TGFA: variants seen among roughly 807,000 people sequenced by gnomAD.
TGFA encodes transforming growth factor alpha.
Under a neutral mutation model 21.7 loss-of-function variants are expected in TGFA, and 12 were observed. That is an observed-to-expected ratio of 0.55 (90% CI 0.35 to 0.90). The LOEUF (loss-of-function observed/expected upper bound fraction) is 0.90, where lower values mean the gene tolerates loss of function less well. Ranked by LOEUF, TGFA falls within the 40% of genes least tolerant of loss-of-function variation. TGFA has a pLI of 0.01. For synonymous variants in TGFA, 79 were observed against 88.1 expected (o/e 0.90, Z 0.58); for missense variants, 178 against 210.8 (o/e 0.84, Z 0.96).
At chr2:70,499,315 G>A (rs1671669542) in intron 2 of TGFA, among the ~76,000 whole-genome samples, 1 of 152,220 alleles carries the variant, frequency 6.6e-6, no homozygotes, top group African/African-American at 2.4e-5. Context: ...CGCATAACTA[G>A]GCGGGAGTAC....
At chr2:70,546,256 C>T (rs1436572913) in intron 1 of TGFA, among the ~76,000 whole-genome samples, 2 of 64,620 alleles carry the variant, frequency 3.1e-5, no homozygotes, top group African/African-American at 1.0e-4. Flanking sequence ...GACACTGGAA[C>T]CTGCCCTTTT....
chr2:70,546,587 C>T (rs1188532806), intron 1 of TGFA, among the ~76,000 whole-genome samples: 1 of 152,168 alleles, frequency 6.6e-6, no homozygotes. Flanking sequence ...GATCCACCAG[C>T]CTCAGCCTCC....
Position 70,448,646 on chromosome 2 carries a change from C to G in TGFA, c.*2213G>C, listed in dbSNP as rs1375900991. 6.6e-6 allele frequency: 1 copy of G among 152,224 alleles called. No homozygotes were observed. The highest frequency in any genetic ancestry group is 2.4e-5 in the African/African-American group (1 of 41,448). 9.4% of individuals were successfully genotyped at this position (152,224 alleles called of 1,614,324 possible). A position where few individuals can be genotyped will look rare whatever the true frequency, so the allele number is the denominator to read the frequency against. ...TAAGCCAGGCTGTTCTATCCTGAGG[C>G]ATGGACAATGGTCCAACCAGGCTTG... On this transcript the variant is annotated 3_prime_UTR_variant, in exon 6 of 6. Transcript: ENST00000295400.
chr2:70,514,593 A>C (rs1295228339), intron 2 of TGFA, among the ~76,000 whole-genome samples: 3 of 152,154 alleles, frequency 2.0e-5, no homozygotes, highest in Non-Finnish European at 4.4e-5. Context: ...GTTTTGGCAC[A>C]CTTGCCCACA....
intron 1 of TGFA, among the ~76,000 whole-genome samples, chr2:70,525,528 C>T (rs1205116256): frequency 6.6e-6 from 1 of 152,230 alleles, no homozygotes; most frequent in African/African-American, 2.4e-5. Context: ...AATACACTTA[C>T]TTCTTGCAGC....
intron 2 of TGFA, among the ~76,000 whole-genome samples, chr2:70,504,962 A>G (rs1319436776): frequency 6.6e-6 from 1 of 152,158 alleles, no homozygotes; most frequent in Non-Finnish European, 1.5e-5. Flanking sequence ...CTGTGCCTCA[A>G]TTTTGCCAAC....
intron 2 of TGFA, among the ~76,000 whole-genome samples, chr2:70,481,922 G>A (rs1231824281): frequency 6.6e-6 from 1 of 152,176 alleles, no homozygotes; most frequent in Non-Finnish European, 1.5e-5. Context: ...GAGAGACCCT[G>A]ACCCAGAACC....
At chr2:70,493,519 A>T (rs113787685) in intron 2 of TGFA, among the ~76,000 whole-genome samples, 1,607 of 152,208 alleles carry the variant, frequency 0.011, 41 homozygotes, top group African/African-American at 0.037. Context: ...ATGGCTTCTA[A>T]CCTCTGTGTT....
At chr2:70,460,290 C>T (rs1046117903) in intron 3 of TGFA, among the ~76,000 whole-genome samples, 1 of 151,926 alleles carries the variant, frequency 6.6e-6, no homozygotes, top group African/African-American at 2.4e-5. Flanking sequence ...CAGGGGAGGG[C>T]GATCCTTTCT....
chr2:70,512,370 C>T (rs1672129974), intron 2 of TGFA, among the ~76,000 whole-genome samples: 1 of 152,160 alleles, frequency 6.6e-6, no homozygotes, highest in Non-Finnish European at 1.5e-5. Context: ...CACCTCCCTC[C>T]TCTGCAGACT....
rs3771527 is a variant in TGFA at position 70,447,450 on chromosome 2, A to T, written c.*3409T>A. 22,495 of 152,680 alleles carry T rather than the reference A, an allele frequency of 0.15. 1,971 individuals carry two copies. Among genetic ancestry groups the T allele is most frequent in the Admixed American group, 0.27 (4,122 of 15,296 alleles). 9.5% of individuals were successfully genotyped at this position (152,680 alleles called of 1,614,324 possible). ...ACTGCTAATCACATTAACACATTAC[A>T]GAAATCAAAATTAACTTACCACACA... On this transcript the variant is annotated 3_prime_UTR_variant, in exon 6 of 6. Coordinates refer to ENST00000295400, the MANE Select transcript of TGFA (RefSeq NM_003236.4).
Position 70,450,034 on chromosome 2 carries a change from C to A in TGFA, c.*825G>T, listed in dbSNP as rs2103646785. 1 of 152,372 alleles carries A rather than the reference C, an allele frequency of 6.6e-6. No homozygotes were observed. The highest frequency in any genetic ancestry group is 2.4e-5 in the African/African-American group (1 of 41,564). 9.4% of individuals were successfully genotyped at this position (152,372 alleles called of 1,614,324 possible). A position where few individuals can be genotyped will look rare whatever the true frequency, so the allele number is the denominator to read the frequency against. On this transcript the variant is annotated 3_prime_UTR_variant, in exon 6 of 6. Transcript: ENST00000295400. ...AATGGCACCATTTCTGAACCCCTAC[C>A]TTTATTCCTACCAGTAACCCAGCCT...
At chr2:70,541,495 T>C in intron 1 of TGFA, among the ~76,000 whole-genome samples, 1 of 152,194 alleles carries the variant, frequency 6.6e-6, no homozygotes, top group Non-Finnish European at 1.5e-5. Flanking sequence ...GGGGGTGTTT[T>C]TACACGCTGT....
intron 1 of TGFA, among the ~76,000 whole-genome samples, chr2:70,526,510 T>C (rs1031774354): frequency 2.0e-5 from 3 of 152,218 alleles, no homozygotes; most frequent in Admixed American, 1.3e-4. Flanking sequence ...CTTAGTTGTA[T>C]GGGCAGAATC....
chr2:70,479,397 C>T (rs782662392), intron 2 of TGFA, among the ~76,000 whole-genome samples: 2 of 152,208 alleles, frequency 1.3e-5, no homozygotes, highest in Non-Finnish European at 2.9e-5. Context: ...GATGAAAAAA[C>T]TGAAGCTAGA....
At chr2:70,549,993 A>G (rs1480763447) in intron 1 of TGFA, among the ~76,000 whole-genome samples, 1 of 152,246 alleles carries the variant, frequency 6.6e-6, no homozygotes, top group African/African-American at 2.4e-5. Flanking sequence ...TGTCCTAGGA[A>G]AACCTCCACT....
chr2:70,522,308 T>C (rs1307237545), intron 1 of TGFA, among the ~76,000 whole-genome samples: 2 of 152,224 alleles, frequency 1.3e-5, no homozygotes, highest in African/African-American at 4.8e-5. Flanking sequence ...TGGGAAAACC[T>C]GCAGATCCTC....
At chr2:70,485,064 CTG>C (rs1342874268) in intron 2 of TGFA, among the ~76,000 whole-genome samples, 3 of 152,214 alleles carry the variant, frequency 2.0e-5, no homozygotes, top group African/African-American at 4.8e-5. Context: ...CAGGCAGAAA[CTG>C]AATTAAAATG....
intron 2 of TGFA, among the ~76,000 whole-genome samples, chr2:70,512,570 T>C (rs1229861044): frequency 6.6e-6 from 1 of 152,216 alleles, no homozygotes; most frequent in African/African-American, 2.4e-5. Flanking sequence ...TCAGAGATGT[T>C]CTCATAGAAA....
Sources: allele counts gnomAD v4.1 joint callset (sites outside exome capture counted in the v4.1 genomes callset), GRCh38; gene constraint gnomAD v4.1.1; transcripts MANE v1.5; gene names NCBI Gene and HGNC (gene_info 2026-07-23, HGNC 2026-07-21).